The following TEX36 variants were observed in gnomAD, a reference collection of about 807,000 sequenced individuals.
TEX36 encodes testis-expressed protein 36.
Under a neutral mutation model 13.6 loss-of-function variants are expected in TEX36, and 12 were observed. That is an observed-to-expected ratio of 0.88 (90% CI 0.56 to 1.43). The LOEUF is 1.43. TEX36 is among the 40% of genes most tolerant of loss of function. The pLI is 0.00. For synonymous variants in TEX36, 93 were observed against 83.0 expected (o/e 1.12, Z -0.65); for missense variants, 224 against 228.3 (o/e 0.98, Z 0.12).
At chr10:125,672,530 G>A (rs1016968569) in intron 1 of TEX36, among the ~76,000 whole-genome samples, 13 of 152,282 alleles carry the variant, frequency 8.5e-5, no homozygotes, top group Admixed American at 2.0e-4. Context: ...TGCATTTGCC[G>A]AGGAGTGTTT....
Position 125,638,339 on chromosome 10 carries a change from GA to G in TEX36, c.265-16695del, listed in dbSNP as rs537553978. 1.7e-3 allele frequency among the ~76,000 whole-genome samples: 263 copies of G among 150,730 alleles called. 2 individuals carry two copies. The highest frequency in any genetic ancestry group is 0.016 in the Admixed American group (240 of 15,132). On this transcript the variant is annotated intron_variant, in intron 3 of 3. Coordinates refer to the TEX36 transcript ENST00000526819. The stretch of plus-strand genomic sequence containing the variant: ...ACCACTAAGTCCTATGTTTAAAAAA[GA>G]AAAAAAATCCTAAAAAAGAAAGAGA...
At chr10:125,583,671 G>C (rs1845910732) in intron 3 of TEX36, among the ~76,000 whole-genome samples, 1 of 152,178 alleles carries the variant, frequency 6.6e-6, no homozygotes, top group African/African-American at 2.4e-5. Context: ...AATATCAGCT[G>C]TAGGACTTAT....
chr10:125,633,123 C>T (rs1263482604), intron 3 of TEX36, among the ~76,000 whole-genome samples: 1 of 142,636 alleles, frequency 7.0e-6, no homozygotes, highest in African/African-American at 2.6e-5. Context: ...GACCCTGTCT[C>T]AAAAAAAAAA....
chr10:125,681,752 A>T (rs1210992827), intron 1 of TEX36, among the ~76,000 whole-genome samples: 1 of 152,244 alleles, frequency 6.6e-6, no homozygotes, highest in Non-Finnish European at 1.5e-5. Flanking sequence ...GTACACATAC[A>T]TACAAAGTGT....
chr10:125,655,625 A>G (rs1003247018), downstream of TEX36: 1 of 1,107,280 alleles, frequency 9.0e-7, no homozygotes, highest in Non-Finnish European at 1.1e-6. Flanking sequence ...TTTCCTCTGT[A>G]TGGTTTGAAA....
chr10:125,661,220 T>G lies in TEX36; in HGVS notation c.184-119A>C, dbSNP rs1847031767. The G allele has an allele frequency of 1.4e-5, 11 of 775,084 alleles. No homozygotes were observed. The South Asian group carries it at 1.5e-4, about 11-fold the overall frequency. The allele number at this position is 775,084 out of a possible 1,614,324, so 48.0% of individuals were successfully genotyped here. ...GCAAAGCGACCTCTAAGAAAGACAATGAAACCTGGCCCCAGAGATGGAGCA... is the reference window on the plus strand; with the variant it reads ...GCAAAGCGACCTCTAAGAAAGACAAGGAAACCTGGCCCCAGAGATGGAGCA... On this transcript the variant is annotated intron_variant, in intron 2 of 3. Coordinates refer to ENST00000368821, the MANE Select transcript of TEX36 (RefSeq NM_001128202.3).
At chr10:125,585,377 C>T (rs749433693) in intron 3 of TEX36, among the ~76,000 whole-genome samples, 1 of 152,150 alleles carries the variant, frequency 6.6e-6, no homozygotes, top group African/African-American at 2.4e-5. Flanking sequence ...AAGTATGGCA[C>T]GTTGGTGTGC....
intron 1 of TEX36, among the ~76,000 whole-genome samples, chr10:125,662,821 C>T (rs1847068540): frequency 6.6e-6 from 1 of 152,158 alleles, no homozygotes; most frequent in African/African-American, 2.4e-5. Flanking sequence ...GCAGTGAGGG[C>T]CATGCTCCCA....
In TEX36 at chr10:125,646,161, C is replaced by G. The variant is rs1369121155; in HGVS notation, c.264+14860G>C. On this transcript the variant is annotated intron_variant, in intron 3 of 3. Coordinates refer to the TEX36 transcript ENST00000526819. ...TGGGCAACATGGTGAAACCCTGTCT[C>G]CACTAAAAATACAATATAGCCAGCC... 2.6e-5 allele frequency among the ~76,000 whole-genome samples: 4 copies of G among 151,962 alleles called. No homozygotes were observed. The South Asian group carries it at 8.3e-4, about 32-fold the overall frequency.
chr10:125,653,385 G>A (rs947108848), downstream of TEX36, among the ~76,000 whole-genome samples: 1 of 151,048 alleles, frequency 6.6e-6, no homozygotes, highest in Non-Finnish European at 1.5e-5. Context: ...ACTATTGCAA[G>A]GACAGAAAAC....
At chr10:125,651,302 T>A (rs552617619), downstream of TEX36, among the ~76,000 whole-genome samples, 3 of 152,302 alleles carry the variant, frequency 2.0e-5, no homozygotes, top group East Asian at 1.9e-4. Flanking sequence ...TCCACCATGA[T>A]CAAGTTGGCT....
chr10:125,643,175 G>A lies in TEX36; in HGVS notation c.264+17846C>T, dbSNP rs182357845. On this transcript the variant is annotated intron_variant, in intron 3 of 3. Transcript: ENST00000526819. ...GAATTGAGAGTTATCACTTGGGCCA[G>A]GAGGGCAGGGCAGTGTCCCAGAAAG... is the stretch of plus-strand genomic sequence containing the variant. 2.9e-3 allele frequency among the ~76,000 whole-genome samples: 439 copies of A among 152,334 alleles called. 3 individuals carry two copies. Among genetic ancestry groups the A allele is most frequent in the African/African-American group, 0.01 (419 of 41,576 alleles).
At chr10:125,641,506 G>C (rs1846691705) in intron 3 of TEX36, among the ~76,000 whole-genome samples, 1 of 152,180 alleles carries the variant, frequency 6.6e-6, no homozygotes, top group Non-Finnish European at 1.5e-5. Context: ...TCCTAGTATG[G>C]GTCTAGAATG....
At chr10:125,634,937 C>G (rs1261861137) in intron 3 of TEX36, among the ~76,000 whole-genome samples, 1 of 152,166 alleles carries the variant, frequency 6.6e-6, no homozygotes, top group African/African-American at 2.4e-5. Context: ...GTGGGCTGTG[C>G]TCAGGGCTGT....
At chr10:125,663,224 G>A (rs1030780751) in intron 1 of TEX36, among the ~76,000 whole-genome samples, 3 of 152,170 alleles carry the variant, frequency 2.0e-5, no homozygotes, top group African/African-American at 7.2e-5. Flanking sequence ...AAGAGGAAAT[G>A]TATACACTCC....
At chr10:125,602,010 G>A (rs11814317) in intron 3 of TEX36, among the ~76,000 whole-genome samples, 13,930 of 152,184 alleles carry the variant, frequency 0.092, 2,018 homozygotes, top group African/African-American at 0.31. Flanking sequence ...GCAGGGAGGC[G>A]AACAGATTTA....
At chr10:125,662,869 G>T (rs538876298) in intron 1 of TEX36, among the ~76,000 whole-genome samples, 1 of 152,204 alleles carries the variant, frequency 6.6e-6, no homozygotes, top group Non-Finnish European at 1.5e-5. Context: ...CTGAAGGGGG[G>T]TGTGGCTAGC....
At chr10:125,624,559 A>G (rs1038716951) in intron 3 of TEX36, among the ~76,000 whole-genome samples, 1 of 152,032 alleles carries the variant, frequency 6.6e-6, no homozygotes, top group Non-Finnish European at 1.5e-5. Context: ...GGTGCCATAC[A>G]GCCCCAGAGG....
chr10:125,622,449 T>C (rs1335680177), intron 3 of TEX36, among the ~76,000 whole-genome samples: 1 of 152,250 alleles, frequency 6.6e-6, no homozygotes, highest in East Asian at 1.9e-4. Context: ...CACGTGGTCA[T>C]AGCTGTTATT....
Sources: gnomAD v4.1 joint callset for allele counts (sites outside exome capture counted in the v4.1 genomes callset) on GRCh38, gnomAD v4.1.1 for gene constraint, MANE v1.5 for transcripts, NCBI Gene and HGNC (gene_info 2026-07-23, HGNC 2026-07-21) for gene names.